The following PRKG1 variants were observed in gnomAD, a reference collection of about 807,000 sequenced individuals.
PRKG1 encodes cGMP-dependent protein kinase 1.
PRKG1 carries 35 observed loss-of-function variants against 88.1 expected under a neutral mutation model. The observed-to-expected ratio is 0.40, with a 90% confidence interval of 0.30 to 0.53. The LOEUF is 0.53. PRKG1 is among the 20% of genes least tolerant of loss of function. The pLI, the probability that PRKG1 is intolerant of heterozygous loss-of-function variation, is 0.59. For synonymous variants in PRKG1, 303 were observed against 292.5 expected, an observed-to-expected ratio of 1.04 and a Z score of -0.37; for missense variants, 540 against 839.8, an observed-to-expected ratio of 0.64 and a Z score of 4.41.
intron 5 of PRKG1, among the ~76,000 whole-genome samples, chr10:51,912,772 G>GC (rs2132958662): frequency 6.7e-6 from 1 of 148,408 alleles, no homozygotes; most frequent in South Asian, 2.1e-4. Flanking sequence ...GCCCACCCCA[G>GC]CCCCCACCTA....
upstream of PRKG1, among the ~76,000 whole-genome samples, chr10:51,071,555 T>G (rs573583681): frequency 1.6e-3 from 242 of 152,330 alleles, 1 homozygote; most frequent in Non-Finnish European, 1.7e-3. Context: ...AGATTCATCC[T>G]GGAACAGATT....
At chr10:51,607,638 GC>G (rs1362390439) in intron 3 of PRKG1, among the ~76,000 whole-genome samples, 2 of 152,140 alleles carry the variant, frequency 1.3e-5, no homozygotes, top group Non-Finnish European at 2.9e-5. Flanking sequence ...TGCCTTAGTG[GC>G]CCGAAGCCAG....
At chr10:51,257,459 A>G (rs557197142) in intron 2 of PRKG1, among the ~76,000 whole-genome samples, 1 of 152,314 alleles carries the variant, frequency 6.6e-6, no homozygotes, top group East Asian at 1.9e-4. Context: ...TTGGGTTGGA[A>G]GTGACAGAAA....
intron 4 of PRKG1, among the ~76,000 whole-genome samples, chr10:51,851,701 G>A (rs144043492): frequency 6.6e-6 from 1 of 152,142 alleles, no homozygotes; most frequent in East Asian, 1.9e-4. Flanking sequence ...TGAATAGCAG[G>A]TATGCTTAAA....
At chr10:51,665,412 A>C (rs34963580) in intron 3 of PRKG1, among the ~76,000 whole-genome samples, 6,835 of 152,242 alleles carry the variant, frequency 0.045, 191 homozygotes, top group Middle Eastern at 0.078. Context: ...TGTACTGATT[A>C]TATATGGCCA....
At chr10:52,054,611 G>C (rs1481565681) in intron 6 of PRKG1, 50 bp downstream of exon 6, 6 of 1,511,164 alleles carry the variant, frequency 4.0e-6, no homozygotes, top group Non-Finnish European at 5.5e-6. Flanking sequence ...GCCTGGGGTT[G>C]GTTAGTAACT....
chr10:51,813,554 A>G (rs1839509934), intron 4 of PRKG1, among the ~76,000 whole-genome samples: 1 of 152,202 alleles, frequency 6.6e-6, no homozygotes, highest in South Asian at 2.1e-4. Flanking sequence ...TTATAACATC[A>G]TTTCCATTTT....
chr10:51,699,043 A>G, intron 3 of PRKG1: 1 of 1,614,232 alleles, frequency 6.2e-7, no homozygotes. Flanking sequence ...ACAGTGCATA[A>G]GCCAGTTGTG....
intron 9 of PRKG1, among the ~76,000 whole-genome samples, chr10:52,167,255 C>G (rs549251914): frequency 1.3e-5 from 2 of 152,110 alleles, no homozygotes; most frequent in Admixed American, 1.3e-4. Flanking sequence ...AGGGAGATGC[C>G]AGGCTTTCTT....
intron 5 of PRKG1, among the ~76,000 whole-genome samples, chr10:51,927,458 G>A (rs1842603426): frequency 6.6e-6 from 1 of 152,108 alleles, no homozygotes; most frequent in Non-Finnish European, 1.5e-5. Flanking sequence ...TATCAGCAGA[G>A]TGAAAATGGA....
intron 7 of PRKG1, among the ~76,000 whole-genome samples, chr10:52,098,822 G>C (rs1286031427): frequency 6.6e-6 from 1 of 152,158 alleles, no homozygotes; most frequent in African/African-American, 2.4e-5. Context: ...GAGTGGTTAT[G>C]ATGAGTGGGT....
At chr10:51,340,717 T>A (rs572672495) in intron 2 of PRKG1, among the ~76,000 whole-genome samples, 10 of 152,274 alleles carry the variant, frequency 6.6e-5, no homozygotes, top group African/African-American at 2.2e-4. Flanking sequence ...ATGCATTCAG[T>A]TGTCTGGAAA....
chr10:51,454,130 T>TG (rs1839514540), intron 2 of PRKG1, among the ~76,000 whole-genome samples: 1 of 152,050 alleles, frequency 6.6e-6, no homozygotes, highest in Non-Finnish European at 1.5e-5. Context: ...CCCATGCTCA[T>TG]CGATGGGTAG....
At chr10:52,280,105 CT>C (rs1379069312) in intron 12 of PRKG1, among the ~76,000 whole-genome samples, 3 of 151,956 alleles carry the variant, frequency 2.0e-5, no homozygotes, top group Non-Finnish European at 4.4e-5. Context: ...TAAACATTCC[CT>C]TCTAGTTACT....
At chr10:51,846,205 T>A (rs78325860) in intron 4 of PRKG1, among the ~76,000 whole-genome samples, 1 of 152,138 alleles carries the variant, frequency 6.6e-6, no homozygotes, top group Non-Finnish European at 1.5e-5. Flanking sequence ...TGGTTCTCCA[T>A]CCCTTCGTAG....
At chr10:51,335,486 A>G (rs1222474653) in intron 2 of PRKG1, among the ~76,000 whole-genome samples, 1 of 152,160 alleles carries the variant, frequency 6.6e-6, no homozygotes, top group African/African-American at 2.4e-5. Flanking sequence ...ATCTTCTTCT[A>G]TATCAGAATT....
intron 5 of PRKG1, among the ~76,000 whole-genome samples, chr10:51,916,137 A>G (rs1842333902): frequency 6.6e-6 from 1 of 152,152 alleles, no homozygotes; most frequent in African/African-American, 2.4e-5. Flanking sequence ...GGGTAAAATG[A>G]GCCTAAAACC....
rs534419414 is a variant in PRKG1 at position 51,167,939 on chromosome 10, T to C, written c.478+14609T>C. Among the ~76,000 whole-genome samples the C allele has an allele frequency of 7.2e-5, 11 of 152,244 alleles. No individual in the cohort carries two copies. In the East Asian group the frequency reaches 1.5e-3, roughly 21 times the overall value. ...GACTAAACCAGGCATAGGGGAAAGA[T>C]TGATGAAAGTTGCTCTCTTCTAATT... On this transcript the variant is annotated intron_variant, in intron 2 of 17. Coordinates refer to ENST00000373980, the MANE Select transcript of PRKG1 (RefSeq NM_006258.4).
intron 12 of PRKG1, among the ~76,000 whole-genome samples, chr10:52,279,605 T>C (rs1055743904): frequency 6.6e-6 from 1 of 152,058 alleles, no homozygotes; most frequent in African/African-American, 2.4e-5. Context: ...TTTGTAAAAA[T>C]GTAACCATAT....
Sources: allele counts gnomAD v4.1 joint callset (sites outside exome capture counted in the v4.1 genomes callset), GRCh38; gene constraint gnomAD v4.1.1; transcripts MANE v1.5; gene names NCBI Gene and HGNC (gene_info 2026-07-23, HGNC 2026-07-21).